TMEM114: variants seen among roughly 807,000 people sequenced by gnomAD.
TMEM114 encodes transmembrane protein 114, also known as claudin-26.
In TMEM114, 6 loss-of-function variants were observed where a neutral mutation model predicts 6.2. That is an observed-to-expected ratio of 0.97 (90% confidence interval 0.53 to 1.91). The LOEUF is 1.91. Among genes scored for constraint, TMEM114 ranks in the 40% most tolerant of loss-of-function variants. TMEM114 has a pLI of 0.01. For synonymous variants in TMEM114, 104 were observed against 73.0 expected (o/e 1.42, Z -2.16); for missense variants, 218 against 158.3 (o/e 1.38, Z -2.02).
intron 2 of TMEM114, among the ~76,000 whole-genome samples, chr16:8,562,688 GGGAATGAGTGAGTGAGTAAA>G (rs1290800213): frequency 5.4e-5 from 8 of 147,704 alleles, no homozygotes; most frequent in African/African-American, 2.0e-4. Flanking sequence ...GAGTGAGTGA[GGGAATGAGTGAGTGAGTAAA>G]TGAGTGAGTG....
rs1033258374 is a variant in TMEM114 at position 8,560,361 on chromosome 16, G to C, written n.213-22535C>G. Among the ~76,000 whole-genome samples, 8 of 152,062 alleles carry C rather than the reference G, an allele frequency of 5.3e-5. No homozygotes were observed. The East Asian group carries it at 1.2e-3, about 22-fold the overall frequency. ...TTTCTGTTGGCTTGTCCATCAGTGG[G>C]AGCGAGGGTGGGCATCCTCTCCTTG... On this transcript the variant is annotated intron_variant and non_coding_transcript_variant, in intron 2 of 2. Coordinates refer to the TMEM114 transcript ENST00000623677.
At chr16:8,560,828 T>C (rs1901174463) in intron 2 of TMEM114, among the ~76,000 whole-genome samples, 2 of 152,166 alleles carry the variant, frequency 1.3e-5, no homozygotes, top group South Asian at 4.1e-4. Context: ...CTGGGTGTAT[T>C]AGTCTGTTCT....
intron 2 of TMEM114, among the ~76,000 whole-genome samples, chr16:8,539,808 T>C (rs4335759): frequency 0.096 from 14,618 of 151,918 alleles, 1,822 homozygotes; most frequent in African/African-American, 0.29. Flanking sequence ...CTCACAAATA[T>C]GCTATTTTTT....
In TMEM114 at chr16:8,541,314, T is replaced by C. The variant is rs192455437; in HGVS notation, n.213-3488A>G. ...GTCCTGGACTCAGAGCATCATACAA[T>C]TTGTCATACAAATGAGGACAGTCCA... On this transcript the variant is annotated intron_variant and non_coding_transcript_variant, in intron 2 of 2. Transcript: ENST00000623677. 2.7e-3 allele frequency among the ~76,000 whole-genome samples: 405 copies of C among 152,242 alleles called. 13 individuals are homozygous for C. The highest frequency in any genetic ancestry group is 0.024 in the Admixed American group (371 of 15,280).
Position 8,569,517 on chromosome 16 carries a change from T to C in TMEM114, c.*256A>G. The C allele has an allele frequency of 7.2e-7, 1 of 1,386,698 alleles. No homozygotes were observed. The highest frequency in any genetic ancestry group is 2.7e-5 in the East Asian group (1 of 37,694). The allele number at this position is 1,386,698 out of a possible 1,614,324, so 85.9% of individuals were successfully genotyped here. ...GCTCTGTGTGTGATTAAAGGATCGT[T>C]TTTATTTCTCGCGAAGCGGTTTGGC... On this transcript the variant is annotated 3_prime_UTR_variant, in exon 4 of 4. Coordinates refer to ENST00000620492, the MANE Select transcript of TMEM114 (RefSeq NM_001146336.2).
intron 2 of TMEM114, among the ~76,000 whole-genome samples, chr16:8,541,238 T>A (rs1009905266): frequency 6.6e-6 from 1 of 152,204 alleles, no homozygotes; most frequent in Admixed American, 6.5e-5. Context: ...CTTGAGGTCA[T>A]GTGGCTACCA....
At chr16:8,559,377 A>G (rs1901127966) in intron 2 of TMEM114, among the ~76,000 whole-genome samples, 1 of 151,818 alleles carries the variant, frequency 6.6e-6, no homozygotes, top group African/African-American at 2.4e-5. Flanking sequence ...AGCTGCTTCC[A>G]TCGCACAGAT....
chr16:8,548,687 T>A (rs1195936865), intron 2 of TMEM114, among the ~76,000 whole-genome samples: 1 of 136,416 alleles, frequency 7.3e-6, no homozygotes, highest in Non-Finnish European at 1.6e-5. Context: ...GAGCTAAAAA[T>A]TGCCATGTAT....
At chr16:8,552,178 C>A (rs1900865304) in intron 2 of TMEM114, among the ~76,000 whole-genome samples, 1 of 150,344 alleles carries the variant, frequency 6.7e-6, no homozygotes, top group Non-Finnish European at 1.5e-5. Context: ...AATTTGAGAC[C>A]AGCCTGGGCA....
the TMEM114 span, among the ~76,000 whole-genome samples, chr16:8,528,384 G>A: frequency 2.0e-5 from 3 of 152,178 alleles, no homozygotes; most frequent in Non-Finnish European, 2.9e-5. Flanking sequence ...GCACCATGCT[G>A]TTCTAGTTAA....
chr16:8,529,722 GA>G, the TMEM114 span, among the ~76,000 whole-genome samples: 1 of 144,322 alleles, frequency 6.9e-6, no homozygotes, highest in Non-Finnish European at 1.5e-5. Context: ...ATTCTTAAAA[GA>G]AAACTTAAAA....
At chr16:8,537,275 C>A (rs1381764109), downstream of TMEM114, among the ~76,000 whole-genome samples, 1 of 151,964 alleles carries the variant, frequency 6.6e-6, no homozygotes, top group East Asian at 1.9e-4. Context: ...CCAAGGCCGG[C>A]AGATGACCTG....
chr16:8,537,326 C>T (rs934311688), downstream of TMEM114, among the ~76,000 whole-genome samples: 13 of 152,116 alleles, frequency 8.5e-5, no homozygotes, highest in African/African-American at 2.9e-4. Context: ...CATCATGAAA[C>T]CCCGTCTCTA....
intron 2 of TMEM114, among the ~76,000 whole-genome samples, chr16:8,562,230 GAGT>G (rs1901259867): frequency 7.0e-6 from 1 of 142,708 alleles, no homozygotes; most frequent in African/African-American, 2.5e-5. Flanking sequence ...ATGAGTGAGT[GAGT>G]GAGTGAATGA....
At chr16:8,558,613 C>T (rs187356342) in intron 2 of TMEM114, among the ~76,000 whole-genome samples, 218 of 152,318 alleles carry the variant, frequency 1.4e-3, no homozygotes, top group African/African-American at 4.3e-3. Flanking sequence ...TTTTGGGGCA[C>T]ATGCTTGAAC....
intron 3 of TMEM114, among the ~76,000 whole-genome samples, chr16:8,571,010 T>C (rs1901715772): frequency 6.6e-6 from 1 of 152,152 alleles, no homozygotes; most frequent in African/African-American, 2.4e-5. Flanking sequence ...ATAGTAATAA[T>C]AATAGTGAGT....
chr16:8,540,622 T>G (rs923654783), intron 2 of TMEM114, among the ~76,000 whole-genome samples: 11 of 145,950 alleles, frequency 7.5e-5, no homozygotes, highest in African/African-American at 2.2e-4. Flanking sequence ...TAGAATTCAA[T>G]TCATTCACTG....
chr16:8,578,896 T>C (rs1902036750), intron 2 of TMEM114, among the ~76,000 whole-genome samples: 1 of 152,136 alleles, frequency 6.6e-6, no homozygotes, highest in South Asian at 2.1e-4. Context: ...GGAGAATCGC[T>C]TGAACCTGGG....
intron 3 of TMEM114, 87 bp downstream of exon 3, chr16:8,572,000 C>T: frequency 7.1e-7 from 1 of 1,405,082 alleles, no homozygotes; most frequent in Non-Finnish European, 9.4e-7. Context: ...CCCTGGGATC[C>T]CCCTCGTTTG....
Sources: allele counts gnomAD v4.1 joint callset (sites outside exome capture counted in the v4.1 genomes callset), GRCh38; gene constraint gnomAD v4.1.1; transcripts MANE v1.5; gene names NCBI Gene and HGNC (gene_info 2026-07-23, HGNC 2026-07-21).